Variants in NBEA observed in about 807,000 individuals in gnomAD.
NBEA encodes lysosomal-trafficking regulator 2.
NBEA carries 44 observed loss-of-function variants against 343.4 expected under a neutral mutation model. The observed-to-expected ratio is 0.13, with a 90% CI of 0.10 to 0.16. The LOEUF (loss-of-function observed/expected upper bound fraction) is 0.16. Among genes scored for constraint, NBEA ranks in the 10% least tolerant of loss-of-function variants. NBEA has a pLI of 1.00. For synonymous variants in NBEA, 1,175 were observed against 1,238.7 expected (o/e 0.95, Z 1.08); for missense variants, 2,555 against 3,631.3 (o/e 0.70, Z 7.62).
At chr13:35,080,330 G>A (rs1054406985) in intron 10 of NBEA, among the ~76,000 whole-genome samples, 2 of 152,158 alleles carry the variant, frequency 1.3e-5, no homozygotes, top group African/African-American at 4.8e-5. Flanking sequence ...TAGAAACAGG[G>A]AAGTCCTTTG....
At chr13:35,006,271 A>C (rs940749816) in intron 1 of NBEA, among the ~76,000 whole-genome samples, 20 of 152,064 alleles carry the variant, frequency 1.3e-4, no homozygotes, top group Admixed American at 5.9e-4. Flanking sequence ...TAACCTTAAA[A>C]AATTATTATT....
intron 1 of NBEA, among the ~76,000 whole-genome samples, chr13:34,967,015 A>G (rs910342318): frequency 2.1e-5 from 3 of 144,896 alleles, no homozygotes; most frequent in Non-Finnish European, 3.0e-5. Context: ...CAGAATGTCG[A>G]TTCATATTTT....
intron 33 of NBEA, among the ~76,000 whole-genome samples, chr13:35,216,982 C>T (rs377103583): frequency 2.5e-4 from 38 of 151,944 alleles, no homozygotes; most frequent in African/African-American, 8.7e-4. Context: ...AAACTGTCTT[C>T]TAGAGTGGCT....
intron 41 of NBEA, among the ~76,000 whole-genome samples, chr13:35,547,138 T>C (rs1343826897): frequency 2.0e-5 from 3 of 152,204 alleles, no homozygotes; most frequent in Non-Finnish European, 4.4e-5. Context: ...GTAGGTTTTT[T>C]GAAAAGCATA....
At position 35,159,200 on chromosome 13, in the gene NBEA, A is replaced by G; in HGVS notation, c.3029A>G (p.Gln1010Arg). The G allele has an allele frequency of 1.2e-6, 2 of 1,613,674 alleles. No individual in the cohort carries two copies. Among genetic ancestry groups the G allele is most frequent in the Non-Finnish European group, 8.5e-7 (1 of 1,179,672 alleles). ...IREIEDLSQS[Q>R]SPESETDYPV... ...GAGATAGAAGATCTTTCACAAAGCC[A>G]GAGCCCAGAAAGTGAGACCGATTAC... is the stretch of plus-strand genomic sequence containing the variant. Residue 1010 changes from glutamine (Q) to arginine (R), a missense_variant, in exon 22 of 59, where the codon CAG becomes CGG. Transcript: ENST00000379939.
intron 48 of NBEA, among the ~76,000 whole-genome samples, chr13:35,625,883 G>A (rs1341221874): frequency 2.0e-5 from 3 of 152,230 alleles, no homozygotes; most frequent in African/African-American, 7.2e-5. Flanking sequence ...AGATAAGGAC[G>A]TATAGAAACT....
chr13:35,344,871 A>T (rs1428624696), intron 36 of NBEA, among the ~76,000 whole-genome samples: 1 of 152,124 alleles, frequency 6.6e-6, no homozygotes, highest in East Asian at 1.9e-4. Flanking sequence ...GATCAGAAAC[A>T]GGGAATGTTC....
chr13:35,134,421 A>G (rs1343428124), intron 17 of NBEA, among the ~76,000 whole-genome samples: 2 of 151,910 alleles, frequency 1.3e-5, no homozygotes, highest in Non-Finnish European at 2.9e-5. Context: ...CAGAGTAGAC[A>G]TTTTATTGGA....
At chr13:35,374,756 C>T (rs1221872377) in intron 38 of NBEA, among the ~76,000 whole-genome samples, 1 of 152,022 alleles carries the variant, frequency 6.6e-6, no homozygotes, top group Admixed American at 6.6e-5. Context: ...TCAGAATAGT[C>T]ACCAGCATAT....
At chr13:35,393,792 T>C (rs2042615898) in intron 38 of NBEA, among the ~76,000 whole-genome samples, 1 of 152,172 alleles carries the variant, frequency 6.6e-6, no homozygotes, top group African/African-American at 2.4e-5. Context: ...CTATCTTTGC[T>C]GTCTCCCTTC....
At chr13:35,240,930 G>A (rs959022758) in intron 34 of NBEA, among the ~76,000 whole-genome samples, 8 of 151,478 alleles carry the variant, frequency 5.3e-5, no homozygotes, top group African/African-American at 1.9e-4. Flanking sequence ...TTAATATTTT[G>A]TAATAAAATA....
rs73171583 is a variant in NBEA, at chr13:35,579,263, A to G, written c.7036-4635A>G. Among the ~76,000 whole-genome samples the G allele has an allele frequency of 4.2e-3, 640 of 152,272 alleles. 4 individuals are homozygous for G. The highest frequency in any genetic ancestry group is 6.1e-3 in the Non-Finnish European group (418 of 68,018). On this transcript the variant is annotated intron_variant, in intron 45 of 58. Coordinates refer to ENST00000379939, the MANE Select transcript of NBEA (RefSeq NM_001385012.1). ...GTGACATTGACCATTCATCAGATCA[A>G]TCCACATTTATTTATTTGTATTTGT...
intron 41 of NBEA, among the ~76,000 whole-genome samples, chr13:35,519,558 G>A (rs1212864517): frequency 6.6e-6 from 1 of 151,868 alleles, no homozygotes; most frequent in East Asian, 1.9e-4. Flanking sequence ...CATAGTTTTG[G>A]CCTTGTAAAT....
At chr13:35,642,449 G>A (rs73173615) in intron 49 of NBEA, among the ~76,000 whole-genome samples, 2,276 of 152,224 alleles carry the variant, frequency 0.015, 22 homozygotes, top group Non-Finnish European at 0.022. Flanking sequence ...CATTATACAT[G>A]CTCATGAGCT....
chr13:35,423,644 G>A (rs1289102024), intron 38 of NBEA, among the ~76,000 whole-genome samples: 1 of 152,032 alleles, frequency 6.6e-6, no homozygotes, highest in East Asian at 1.9e-4. Context: ...CTCTTTTTTG[G>A]TTCCATATGA....
At chr13:35,415,003 A>G (rs2043818409) in intron 38 of NBEA, among the ~76,000 whole-genome samples, 1 of 151,978 alleles carries the variant, frequency 6.6e-6, no homozygotes. Context: ...GCATTTTTTC[A>G]TGTGTCTTTT....
At chr13:35,163,278 C>G (rs775247088) in intron 23 of NBEA, among the ~76,000 whole-genome samples, 6 of 152,060 alleles carry the variant, frequency 3.9e-5, no homozygotes, top group African/African-American at 9.7e-5. Flanking sequence ...TAATAATTCA[C>G]AACTCTAAAA....
chr13:35,043,257 T>A (rs1247592761), intron 2 of NBEA, among the ~76,000 whole-genome samples: 2 of 151,896 alleles, frequency 1.3e-5, no homozygotes, highest in Admixed American at 6.6e-5. Flanking sequence ...AAGGAATTTT[T>A]AAAAATTTCT....
At chr13:34,973,418 A>G (rs971121887) in intron 1 of NBEA, among the ~76,000 whole-genome samples, 1 of 152,172 alleles carries the variant, frequency 6.6e-6, no homozygotes, top group African/African-American at 2.4e-5. Flanking sequence ...CAAATAGCAA[A>G]GATGGCAGCC....
Sources: gnomAD v4.1 joint callset for allele counts (sites outside exome capture counted in the v4.1 genomes callset) on GRCh38, gnomAD v4.1.1 for gene constraint, MANE v1.5 for transcripts, NCBI Gene and HGNC (gene_info 2026-07-23, HGNC 2026-07-21) for gene names.